Variants in WWOX observed in about 807,000 individuals in gnomAD.
WWOX encodes the protein WW domain-containing oxidoreductase.
In WWOX, 69 loss-of-function variants were observed where a neutral mutation model predicts 46.2. The ratio of observed to expected loss-of-function variants is 1.49; its 90% CI spans 1.23 to 1.82. WWOX has a LOEUF of 1.82. Ranked by LOEUF, WWOX falls within the 40% of genes most tolerant of loss-of-function variation. The pLI, the probability that WWOX is intolerant of heterozygous loss-of-function variation, is 0.00. For missense variants in WWOX, 919 were observed against 542.6 expected, an observed-to-expected ratio of 1.69 and a Z score of -6.89; for synonymous variants, 359 against 202.6, an observed-to-expected ratio of 1.77 and a Z score of -6.56.
At chr16:78,211,623 C>A (rs12925637) in intron 5 of WWOX, among the ~76,000 whole-genome samples, 18,786 of 152,170 alleles carry the variant, frequency 0.12, 1,504 homozygotes, top group Non-Finnish European at 0.18. Flanking sequence ...AAAAAAGAGG[C>A]TGCTGGACTG....
In WWOX at chr16:78,119,679, T is replaced by G. The variant is rs2032992612; in HGVS notation, c.409+4525T>G. ...GGGTCTCACTGTGTTGCTCAGGTGTTGGTCTCAAACTCCTGGGTTCAAGTG... is the reference window on the plus strand; with the variant it reads ...GGGTCTCACTGTGTTGCTCAGGTGTGGGTCTCAAACTCCTGGGTTCAAGTG... On this transcript the variant is annotated intron_variant, in intron 4 of 8. Coordinates refer to ENST00000566780, the MANE Select transcript of WWOX (RefSeq NM_016373.4). Among the ~76,000 whole-genome samples, 6 of 152,088 alleles carry G rather than the reference T, an allele frequency of 3.9e-5. No individual in the cohort carries two copies. In the South Asian group the frequency reaches 1.2e-3, roughly 32 times the overall value.
At chr16:79,104,025 G>C (rs1235249566) in intron 8 of WWOX, among the ~76,000 whole-genome samples, 2 of 107,052 alleles carry the variant, frequency 1.9e-5, no homozygotes, top group African/African-American at 7.7e-5. Flanking sequence ...GCTATGTGGT[G>C]GTGCCCTTTT....
At chr16:78,562,628 A>C (rs1205975826) in intron 8 of WWOX, among the ~76,000 whole-genome samples, 2 of 152,174 alleles carry the variant, frequency 1.3e-5, no homozygotes, top group African/African-American at 4.8e-5. Context: ...GCCTGTTTCC[A>C]TACATAGCTC....
chr16:78,445,371 C>A (rs1013840373), intron 8 of WWOX, among the ~76,000 whole-genome samples: 1 of 152,166 alleles, frequency 6.6e-6, no homozygotes, highest in African/African-American at 2.4e-5. Flanking sequence ...TGCATGCATT[C>A]ATTCATTCAA....
At chr16:78,874,998 C>G in intron 8 of WWOX, among the ~76,000 whole-genome samples, 1 of 152,090 alleles carries the variant, frequency 6.6e-6, no homozygotes, top group African/African-American at 2.4e-5. Context: ...GAGGACTTGG[C>G]CTCTTAAAGG....
intron 8 of WWOX, among the ~76,000 whole-genome samples, chr16:78,614,048 C>G (rs776913063): frequency 6.6e-6 from 1 of 152,220 alleles, no homozygotes; most frequent in Non-Finnish European, 1.5e-5. Context: ...CTATCTGGCT[C>G]TTTGCAGAAA....
chr16:78,122,868 G>A (rs909442675), intron 4 of WWOX, among the ~76,000 whole-genome samples: 1 of 152,154 alleles, frequency 6.6e-6, no homozygotes, highest in Non-Finnish European at 1.5e-5. Flanking sequence ...GCCTCCCAAA[G>A]TGCTAGGATT....
chr16:78,769,356 C>G (rs1337582858), intron 8 of WWOX, among the ~76,000 whole-genome samples: 1 of 152,070 alleles, frequency 6.6e-6, no homozygotes, highest in African/African-American at 2.4e-5. Context: ...GTCTCTTGCT[C>G]CGCCCCCTCT....
chr16:78,982,112 G>C (rs1019485359), intron 8 of WWOX, among the ~76,000 whole-genome samples: 1 of 151,172 alleles, frequency 6.6e-6, no homozygotes, highest in Non-Finnish European at 1.5e-5. Flanking sequence ...AACTCCGTGG[G>C]GTTTGTATTC....
intron 6 of WWOX, among the ~76,000 whole-genome samples, chr16:78,418,664 T>G (rs1369446481): frequency 6.6e-6 from 1 of 152,084 alleles, no homozygotes; most frequent in African/African-American, 2.4e-5. Flanking sequence ...AAAAAATCAG[T>G]CAATATAATA....
chr16:78,442,637 C>T (rs1262767537), intron 8 of WWOX, among the ~76,000 whole-genome samples: 2 of 152,150 alleles, frequency 1.3e-5, no homozygotes, highest in Non-Finnish European at 2.9e-5. Flanking sequence ...AATGATGGCA[C>T]TGTGTCTGTC....
chr16:78,625,343 G>A (rs1260950405), intron 8 of WWOX, among the ~76,000 whole-genome samples: 1 of 152,158 alleles, frequency 6.6e-6, no homozygotes, highest in Non-Finnish European at 1.5e-5. Context: ...AGGCCAGCGT[G>A]TTCCATTTGA....
At chr16:78,789,512 C>G (rs1258336333) in intron 8 of WWOX, among the ~76,000 whole-genome samples, 1 of 152,130 alleles carries the variant, frequency 6.6e-6, no homozygotes, top group East Asian at 1.9e-4. Flanking sequence ...ATCTGTATGC[C>G]TGTCCTTATG....
At chr16:78,586,769 T>C (rs2045218119) in intron 8 of WWOX, among the ~76,000 whole-genome samples, 1 of 152,192 alleles carries the variant, frequency 6.6e-6, no homozygotes, top group African/African-American at 2.4e-5. Context: ...GGAATTTTGA[T>C]TCAGGAAGGT....
chr16:79,025,324 A>G (rs555860877), intron 8 of WWOX, among the ~76,000 whole-genome samples: 1 of 152,288 alleles, frequency 6.6e-6, no homozygotes, highest in East Asian at 1.9e-4. Flanking sequence ...TGGCTCCCCA[A>G]AAGATATGTT....
At chr16:78,916,062 C>A (rs540956573) in intron 8 of WWOX, among the ~76,000 whole-genome samples, 1 of 152,130 alleles carries the variant, frequency 6.6e-6, no homozygotes, top group Non-Finnish European at 1.5e-5. Context: ...AGTGTGCAGA[C>A]ACGATGCTAT....
chr16:78,858,582 C>G (rs906340767), intron 8 of WWOX, among the ~76,000 whole-genome samples: 16 of 152,054 alleles, frequency 1.1e-4, no homozygotes, highest in African/African-American at 3.9e-4. Context: ...ACTTCTATCA[C>G]CAGCACGGAG....
rs569969482 is a variant in WWOX, at chr16:79,048,419, G to A, written c.1057-163189G>A. Among the ~76,000 whole-genome samples, 31 of 151,998 alleles carry A rather than the reference G, an allele frequency of 2.0e-4. 1 individual carries two copies. The highest frequency in any genetic ancestry group is 7.0e-4 in the African/African-American group (29 of 41,440). ...CTTGGTTCAGCAGCAACTGATTACCGTCCCCCGTGATGTAATTAGGGCTTC... is the reference window on the plus strand; with the variant it reads ...CTTGGTTCAGCAGCAACTGATTACCATCCCCCGTGATGTAATTAGGGCTTC... On this transcript the variant is annotated intron_variant, in intron 8 of 8. Transcript: ENST00000566780.
intron 8 of WWOX, among the ~76,000 whole-genome samples, chr16:78,675,839 AT>A (rs1460748917): frequency 6.6e-6 from 1 of 151,908 alleles, no homozygotes; most frequent in Non-Finnish European, 1.5e-5. Flanking sequence ...AAATATATAT[AT>A]TTTTTTAAAT....
Sources: gnomAD v4.1 joint callset for allele counts (sites outside exome capture counted in the v4.1 genomes callset) on GRCh38, gnomAD v4.1.1 for gene constraint, MANE v1.5 for transcripts, NCBI Gene and HGNC (gene_info 2026-07-23, HGNC 2026-07-21) for gene names.